Variants in DAP3 observed in about 807,000 individuals in gnomAD.
The protein encoded by DAP3 is death associated protein 3, also known as small ribosomal subunit protein mS29.
DAP3 carries 28 observed loss-of-function variants against 51.9 expected under a neutral mutation model. The observed-to-expected ratio is 0.54, with a 90% CI of 0.40 to 0.74. The LOEUF (loss-of-function observed/expected upper bound fraction) is 0.74. DAP3 is among the 30% of genes least tolerant of loss of function. The probability of loss-of-function intolerance (pLI) is 0.00; values close to 1 mark genes in which losing one functional copy is unlikely to be tolerated. For missense variants in DAP3, 458 were observed against 483.5 expected (o/e 0.95, Z 0.49); for synonymous variants, 170 against 170.3 (o/e 1.00, Z 0.01).
chr1:155,723,947 G>A lies in DAP3; in HGVS notation c.271-1435G>A, dbSNP rs540288493. ...ACAGCTACTTGTGAGGCTGAAGCAG[G>A]AGAATCGCTTGAACCCGGGAGGCGG... On this transcript the variant is annotated intron_variant, in intron 4 of 12. Transcript: ENST00000368336. Among the ~76,000 whole-genome samples the A allele has an allele frequency of 2.6e-5, 4 of 151,882 alleles. No individual in the cohort carries two copies. The East Asian group carries it at 7.8e-4, about 30-fold the overall frequency.
At chr1:155,706,748 AAAATAAATAAAT>A (rs566737528) in intron 1 of DAP3, among the ~76,000 whole-genome samples, 1 of 151,816 alleles carries the variant, frequency 6.6e-6, no homozygotes, top group Non-Finnish European at 1.5e-5. Context: ...ACTTCATCGC[AAAATAAATAAAT>A]AAATAAATAA....
At chr1:155,702,129 T>A (rs1571449736) in intron 1 of DAP3, among the ~76,000 whole-genome samples, 11 of 126,626 alleles carry the variant, frequency 8.7e-5, no homozygotes, top group East Asian at 2.3e-4. Context: ...AAATTAAAAA[T>A]TAAAAAAATT....
rs143474894 is a variant in DAP3, at chr1:155,738,314, G to A, written c.*72G>A. 17 of 1,551,150 alleles carry A rather than the reference G, an allele frequency of 1.1e-5. No homozygotes were observed. The highest frequency in any genetic ancestry group is 4.6e-5 in the East Asian group (2 of 43,588). On this transcript the variant is annotated 3_prime_UTR_variant, in exon 13 of 13. Transcript: ENST00000368336. ...CTGGACCCAGTAAGATGAGGAAGTCGGGCAGTACACAGGAAGAGGAGCCAG... is the reference window on the plus strand; with the variant it reads ...CTGGACCCAGTAAGATGAGGAAGTCAGGCAGTACACAGGAAGAGGAGCCAG...
chr1:155,729,530 A>C (rs1237390547), intron 9 of DAP3, among the ~76,000 whole-genome samples, 164 bp downstream of exon 9: 1 of 152,218 alleles, frequency 6.6e-6, no homozygotes, highest in Non-Finnish European at 1.5e-5. Context: ...CTGTAATCCC[A>C]TTGGCTCACG....
chr1:155,726,057 T>G (rs1243297251), intron 6 of DAP3, 38 bp downstream of exon 6: 1 of 1,543,098 alleles, frequency 6.5e-7, no homozygotes, highest in South Asian at 1.1e-5. Flanking sequence ...CTGTTAGGTT[T>G]AGTTATCCTG....
chr1:155,688,077 G>A (rs1466553299), upstream of DAP3: 10 of 1,584,420 alleles, frequency 6.3e-6, no homozygotes, highest in Non-Finnish European at 8.6e-6. Flanking sequence ...TCACCGTGTC[G>A]GAGGCCGAGA....
intron 7 of DAP3, among the ~76,000 whole-genome samples, chr1:155,728,454 C>T (rs1359582762): frequency 6.6e-6 from 1 of 151,528 alleles, no homozygotes; most frequent in African/African-American, 2.4e-5. Flanking sequence ...CCCATCTATT[C>T]AGGAGGCTGA....
chr1:155,722,966 G>T (rs1350642255), intron 4 of DAP3, among the ~76,000 whole-genome samples: 2 of 152,094 alleles, frequency 1.3e-5, no homozygotes, highest in Non-Finnish European at 2.9e-5. Flanking sequence ...AACCAACAAT[G>T]CTCTGTAAGA....
At chr1:155,688,236 G>A, upstream of DAP3, 2 of 1,612,204 alleles carry the variant, frequency 1.2e-6, no homozygotes, top group Non-Finnish European at 1.7e-6. Context: ...AGGGAAAGGT[G>A]GAGGGCTAAA....
At chr1:155,725,535 T>C in intron 5 of DAP3, 45 bp downstream of exon 5, 1 of 1,532,854 alleles carries the variant, frequency 6.5e-7, no homozygotes, top group Middle Eastern at 1.7e-4. Flanking sequence ...CAATGCTTTC[T>C]CCCCTCAAAT....
At position 155,732,021 on chromosome 1, in the gene DAP3, G is replaced by A. The variant is rs749893170; in HGVS notation, c.981G>A (p.Glu327=). Residue 327 remains glutamate, a synonymous_variant, in exon 11 of 13, where the codon GAG becomes GAA. Transcript: ENST00000368336. ...CCCGGAAAGCCTATCTGCCCCAGGA[G>A]TTGCTGGGAAAGGTCAAGTCAAAGG... ...FKPRKAYLPQ[E]LLGKEGFDAL... The A allele has an allele frequency of 1.3e-5, 21 of 1,610,664 alleles. No individual in the cohort carries two copies. Among genetic ancestry groups the A allele is most frequent in the Admixed American group, 3.4e-5 (2 of 59,676 alleles).
At chr1:155,731,479 A>G (rs551158565) in intron 10 of DAP3, 64 bp downstream of exon 10, 4 of 1,512,006 alleles carry the variant, frequency 2.6e-6, no homozygotes, top group African/African-American at 2.7e-5. Flanking sequence ...AACATGTTCT[A>G]CTATTTCATT....
upstream of DAP3, chr1:155,688,319 TGGCGGCGGC>T (rs1261070414): frequency 7.1e-6 from 11 of 1,557,488 alleles, no homozygotes; most frequent in African/African-American, 2.7e-5. Context: ...GAACCCAAAA[TGGCGGCGGC>T]AGCGGCGGCA....
chr1:155,721,595 C>A lies in DAP3; in HGVS notation c.247C>A (p.Leu83Ile). 6.2e-7 allele frequency: 1 copy of A among 1,614,084 alleles called. No homozygotes were observed. Among genetic ancestry groups the A allele is most frequent in the Non-Finnish European group, 8.5e-7 (1 of 1,180,026 alleles). Reference protein sequence around the residue: ...QDLETVFPHGLPPRFVMQVKT... With the variant: ...QDLETVFPHGIPPRFVMQVKT... ...TTTGGAGACTGTATTTCCCCATGGC[C>A]TTCCTCCTCGCTTTGTGATGCAGGT... The change falls in exon 4 of 13, where the codon CTT (leucine) becomes ATT (isoleucine). Residue 83 changes from leucine to isoleucine, a missense_variant. Leu to Ile is a conservative substitution (Grantham distance 5). Transcript: ENST00000368336.
intron 11 of DAP3, among the ~76,000 whole-genome samples, chr1:155,732,980 C>T (rs1238013997): frequency 3.3e-5 from 5 of 152,152 alleles, no homozygotes; most frequent in Admixed American, 6.6e-5. Context: ...GCCGAGATTG[C>T]GCCACTGCAC....
At chr1:155,705,145 G>A (rs894256963) in intron 1 of DAP3, among the ~76,000 whole-genome samples, 1 of 151,318 alleles carries the variant, frequency 6.6e-6, no homozygotes, top group African/African-American at 2.4e-5. Context: ...AAAAAGCCAG[G>A]CACAGTGGCA....
intron 1 of DAP3, among the ~76,000 whole-genome samples, chr1:155,704,358 C>T (rs995847275): frequency 5.9e-5 from 9 of 152,166 alleles, no homozygotes; most frequent in African/African-American, 1.4e-4. Flanking sequence ...TCCACAGGCA[C>T]GCCTATGGAA....
intron 1 of DAP3, 157 bp downstream of exon 1, chr1:155,689,331 G>T: frequency 1.7e-6 from 1 of 580,188 alleles, no homozygotes; most frequent in Non-Finnish European, 3.3e-6. Context: ...GAGGAAGTTC[G>T]GCGTGGTGGT....
intron 3 of DAP3, among the ~76,000 whole-genome samples, chr1:155,719,432 T>TA (rs1207344947): frequency 1.3e-5 from 2 of 151,984 alleles, no homozygotes; most frequent in African/African-American, 4.8e-5. Flanking sequence ...GATGGGGTTT[T>TA]ACCATGTTGG....
Sources: gnomAD v4.1 joint callset for allele counts (sites outside exome capture counted in the v4.1 genomes callset) on GRCh38, gnomAD v4.1.1 for gene constraint, MANE v1.5 for transcripts, NCBI Gene and HGNC (gene_info 2026-07-23, HGNC 2026-07-21) for gene names.